RBFOX1: variants seen among roughly 807,000 people sequenced by gnomAD.
RBFOX1 encodes the protein RNA binding fox-1 homolog 1, also known as RNA binding protein fox-1 homolog 1.
A neutral mutation model predicts 57.7 loss-of-function variants in RBFOX1; 8 were observed. That is an observed-to-expected ratio of 0.14 (90% CI 0.08 to 0.25). RBFOX1 has a LOEUF of 0.25. Among genes scored for constraint, RBFOX1 ranks in the 10% least tolerant of loss-of-function variants. The pLI, the probability that RBFOX1 is intolerant of heterozygous loss-of-function variation, is 1.00. For missense variants in RBFOX1, 611 were observed against 548.5 expected (o/e 1.11, Z -1.14); for synonymous variants, 326 against 222.4 (o/e 1.47, Z -4.15).
chr16:6,271,710 C>A (rs1484045309), intron 1 of RBFOX1, among the ~76,000 whole-genome samples: 2 of 152,124 alleles, frequency 1.3e-5, no homozygotes, highest in Non-Finnish European at 2.9e-5. Flanking sequence ...ATGAAATGGA[C>A]CACTTCCTTG....
chr16:6,286,480 A>G (rs544592398), intron 1 of RBFOX1, among the ~76,000 whole-genome samples: 2 of 152,340 alleles, frequency 1.3e-5, no homozygotes, highest in East Asian at 3.9e-4. Flanking sequence ...CATTGGAAGT[A>G]CTAGTACCTA....
At chr16:6,188,607 C>T (rs1183720568) in intron 1 of RBFOX1, among the ~76,000 whole-genome samples, 3 of 152,060 alleles carry the variant, frequency 2.0e-5, no homozygotes, top group Admixed American at 2.0e-4. Context: ...CTGCTAACTC[C>T]TTGTTTCCCA....
At chr16:6,033,747 C>T (rs956466627) in intron 1 of RBFOX1, among the ~76,000 whole-genome samples, 4 of 152,190 alleles carry the variant, frequency 2.6e-5, no homozygotes, top group Admixed American at 6.5e-5. Flanking sequence ...GGAATATCTT[C>T]AACCGCCACC....
At chr16:6,631,981 G>A (rs2098390596) in intron 2 of RBFOX1, among the ~76,000 whole-genome samples, 1 of 152,184 alleles carries the variant, frequency 6.6e-6, no homozygotes, top group Admixed American at 6.5e-5. Flanking sequence ...ATTCTCAATG[G>A]AAGGAGAGGC....
rs192632598 is a variant in RBFOX1 at position 6,503,427 on chromosome 16, A to G, written c.-63-151176A>G. On this transcript the variant is annotated intron_variant, in intron 2 of 15. Coordinates refer to ENST00000550418, the MANE Select transcript of RBFOX1 (RefSeq NM_018723.4). ...ATATTTCGTGGCTTAAAAAAATCAT[A>G]TGTTTGTTCACATTTCCCTGGGTGG... Among the ~76,000 whole-genome samples the G allele has an allele frequency of 6.4e-3, 973 of 152,128 alleles. 2 individuals are homozygous for G. The highest frequency in any genetic ancestry group is 0.01 in the Non-Finnish European group (714 of 68,004).
At chr16:6,650,628 T>A (rs977931746) in intron 2 of RBFOX1, among the ~76,000 whole-genome samples, 1 of 152,216 alleles carries the variant, frequency 6.6e-6, no homozygotes, top group Non-Finnish European at 1.5e-5. Context: ...ACCGGTTCAG[T>A]CCCACTTGAC....
intron 4 of RBFOX1, among the ~76,000 whole-genome samples, chr16:5,869,147 T>C (rs1435640641): frequency 6.6e-6 from 1 of 152,096 alleles, no homozygotes; most frequent in Non-Finnish European, 1.5e-5. Context: ...CCCACCCAGA[T>C]TATGGCCTGG....
intron 3 of RBFOX1, among the ~76,000 whole-genome samples, chr16:5,764,357 C>G (rs1002129133): frequency 2.0e-5 from 3 of 152,250 alleles, no homozygotes; most frequent in Non-Finnish European, 2.9e-5. Flanking sequence ...GGACTCCTTT[C>G]TTCACCAGAA....
chr16:5,655,644 C>A (rs922680518), intron 3 of RBFOX1, among the ~76,000 whole-genome samples: 1 of 152,176 alleles, frequency 6.6e-6, no homozygotes, highest in African/African-American at 2.4e-5. Context: ...TGTCTTTGTT[C>A]AAGCTTTGCA....
chr16:7,695,831 AAAAAT>A (rs2078642806), intron 14 of RBFOX1, among the ~76,000 whole-genome samples: 1 of 152,138 alleles, frequency 6.6e-6, no homozygotes, highest in African/African-American at 2.4e-5. Context: ...ATGGAGAAAA[AAAAAT>A]CAACATGCTT....
chr16:6,358,736 C>T (rs1217669986), intron 2 of RBFOX1, among the ~76,000 whole-genome samples: 1 of 152,158 alleles, frequency 6.6e-6, no homozygotes, highest in Non-Finnish European at 1.5e-5. Flanking sequence ...GAGTTTGGAA[C>T]AGGGTTTACA....
chr16:5,667,626 C>G (rs913127891), intron 3 of RBFOX1, among the ~76,000 whole-genome samples: 1 of 152,174 alleles, frequency 6.6e-6, no homozygotes, highest in Non-Finnish European at 1.5e-5. Flanking sequence ...TCGGGTTGAA[C>G]AAACTCTCTT....
At chr16:5,888,617 G>A (rs1319088666) in intron 4 of RBFOX1, among the ~76,000 whole-genome samples, 15 of 151,964 alleles carry the variant, frequency 9.9e-5, no homozygotes, top group Admixed American at 9.8e-4. Flanking sequence ...CCAACATGGG[G>A]AAACCTCGTC....
At chr16:5,486,980 A>G (rs559171908) in intron 2 of RBFOX1, among the ~76,000 whole-genome samples, 1 of 152,106 alleles carries the variant, frequency 6.6e-6, no homozygotes, top group African/African-American at 2.4e-5. Flanking sequence ...GTCCCCTGTA[A>G]TACCCCCAGG....
chr16:7,036,710 CAAAA>C (rs201003396), intron 3 of RBFOX1, among the ~76,000 whole-genome samples: 4 of 128,102 alleles, frequency 3.1e-5, no homozygotes, highest in African/African-American at 7.9e-5. Flanking sequence ...AACAAACAAA[CAAAA>C]AAAACAAAAA....
At chr16:6,515,950 G>A (rs754259200) in intron 2 of RBFOX1, among the ~76,000 whole-genome samples, 2 of 152,008 alleles carry the variant, frequency 1.3e-5, no homozygotes, top group African/African-American at 2.4e-5. Flanking sequence ...ATTTTTTTAG[G>A]TACTGGTACT....
At chr16:6,483,484 C>T in intron 2 of RBFOX1, 6 of 1,535,698 alleles carry the variant, frequency 3.9e-6, no homozygotes, top group Non-Finnish European at 5.2e-6. Flanking sequence ...AAACAGGAGG[C>T]ACTTTGCAGC....
chr16:7,347,059 C>G (rs2097024555), intron 4 of RBFOX1, among the ~76,000 whole-genome samples: 1 of 152,106 alleles, frequency 6.6e-6, no homozygotes, highest in African/African-American at 2.4e-5. Flanking sequence ...TCTCAGCAGG[C>G]AGAATTTATG....
intron 4 of RBFOX1, among the ~76,000 whole-genome samples, chr16:7,459,595 C>A (rs1034210123): frequency 6.6e-6 from 1 of 152,162 alleles, no homozygotes; most frequent in African/African-American, 2.4e-5. Flanking sequence ...TGCAGCCATT[C>A]ACCTTATATT....
Sources: allele counts gnomAD v4.1 joint callset (sites outside exome capture counted in the v4.1 genomes callset), GRCh38; gene constraint gnomAD v4.1.1; transcripts MANE v1.5; gene names NCBI Gene and HGNC (gene_info 2026-07-23, HGNC 2026-07-21).